HIP1: variants seen among roughly 807,000 people sequenced by gnomAD.
The protein encoded by HIP1 is huntingtin-interacting protein 1.
Under a neutral mutation model 147.6 loss-of-function variants are expected in HIP1, and 65 were observed. The observed-to-expected ratio is 0.44, with a 90% CI of 0.36 to 0.54. The LOEUF (loss-of-function observed/expected upper bound fraction) is 0.54, where lower values mean the gene tolerates loss of function less well. Ranked by LOEUF, HIP1 falls within the 20% of genes least tolerant of loss-of-function variation. The pLI, the probability that HIP1 is intolerant of heterozygous loss-of-function variation, is 0.00. For missense variants in HIP1, 1,061 were observed against 1,299.6 expected (o/e 0.82, Z 2.82); for synonymous variants, 479 against 504.0 (o/e 0.95, Z 0.67).
In HIP1 at chr7:75,682,638, C is replaced by T. The variant is rs76157011; in HGVS notation, c.120+56163G>A. 6.3e-3 allele frequency among the ~76,000 whole-genome samples: 960 copies of T among 151,504 alleles called. 10 individuals carry two copies. Among genetic ancestry groups the T allele is most frequent in the African/African-American group, 0.021 (877 of 40,962 alleles). On this transcript the variant is annotated intron_variant, in intron 1 of 30. Transcript: ENST00000336926. ...CAGCAGCCCAGAGGGAATTAATACTCCCATTTCCCAGGAGACAAGAGTTTT... is the reference window on the plus strand; with the variant it reads ...CAGCAGCCCAGAGGGAATTAATACTTCCATTTCCCAGGAGACAAGAGTTTT...
intron 4 of HIP1, among the ~76,000 whole-genome samples, chr7:75,589,711 A>G (rs1343599759): frequency 2.7e-5 from 3 of 112,728 alleles, no homozygotes; most frequent in African/African-American, 4.3e-5. Flanking sequence ...AAAAAAAAAA[A>G]AAAAGACTTT....
chr7:75,611,962 TGGCCTTGCTTGTGTGGGGAGCTGGGCCTG>T (rs1325582676), intron 1 of HIP1: 3 of 779,050 alleles, frequency 3.9e-6, no homozygotes, highest in Non-Finnish European at 4.7e-6. Context: ...GGAAACCCTC[TGGCCTTGCTTGTGTGGGGAGCTGGGCCTG>T]GGCCTGGCCT....
chr7:75,701,030 C>T (rs968899497), intron 1 of HIP1, among the ~76,000 whole-genome samples: 1 of 152,080 alleles, frequency 6.6e-6, no homozygotes, highest in African/African-American at 2.4e-5. Flanking sequence ...ACTTTTAACC[C>T]CTAAACAAGA....
Position 75,534,159 on chromosome 7 carries a change from G to A in HIP1, c.*4013C>T. 8.7e-6 allele frequency: 2 copies of A among 229,502 alleles called. No individual in the cohort carries two copies. Among genetic ancestry groups the A allele is most frequent in the Non-Finnish European group, 1.7e-5 (2 of 115,718 alleles). 14.2% of individuals were successfully genotyped at this position (229,502 alleles called of 1,614,324 possible). A position where few individuals can be genotyped will look rare whatever the true frequency, so the allele number is the denominator to read the frequency against. On this transcript the variant is annotated 3_prime_UTR_variant, in exon 31 of 31. Transcript: ENST00000336926. ...TCGAGGGGCCAAAGCCAACTAATCT[G>A]ACCGGAGCGACATGTACCTGTGATT...
intron 1 of HIP1, among the ~76,000 whole-genome samples, chr7:75,668,617 C>A (rs10279158): frequency 5.9e-5 from 9 of 151,866 alleles, no homozygotes; most frequent in Admixed American, 1.3e-4. Flanking sequence ...GAGCCACCAC[C>A]CCTGGCCGGG....
intron 1 of HIP1, among the ~76,000 whole-genome samples, chr7:75,629,846 C>T (rs587756532): frequency 1.3e-5 from 2 of 152,222 alleles, no homozygotes; most frequent in South Asian, 4.2e-4. Context: ...CCGGCCTGCT[C>T]CCCTTCTTAA....
At chr7:75,653,854 T>C (rs1799068679) in intron 1 of HIP1, among the ~76,000 whole-genome samples, 2 of 152,152 alleles carry the variant, frequency 1.3e-5, no homozygotes, top group Non-Finnish European at 2.9e-5. Flanking sequence ...GAGCTGTGCC[T>C]GGCATGGAGC....
chr7:75,563,545 T>C (rs993776890), intron 9 of HIP1, among the ~76,000 whole-genome samples: 4 of 152,260 alleles, frequency 2.6e-5, no homozygotes, highest in African/African-American at 9.6e-5. Flanking sequence ...GAACACATGT[T>C]GTTATTTTGC....
intron 1 of HIP1, among the ~76,000 whole-genome samples, chr7:75,689,930 G>T (rs1270715378): frequency 2.0e-5 from 3 of 152,108 alleles, no homozygotes; most frequent in Non-Finnish European, 4.4e-5. Context: ...GGATCTGCGA[G>T]CCCTGGCTCC....
intron 8 of HIP1, among the ~76,000 whole-genome samples, chr7:75,570,414 C>T (rs1305790179): frequency 1.3e-5 from 2 of 151,342 alleles, no homozygotes; most frequent in African/African-American, 4.9e-5. Flanking sequence ...GCCTCAGCCT[C>T]CTGAGCAGCT....
At chr7:75,581,485 G>A (rs782609864) in intron 6 of HIP1, among the ~76,000 whole-genome samples, 187 bp from the exon 7 acceptor site, 6 of 152,314 alleles carry the variant, frequency 3.9e-5, no homozygotes, top group African/African-American at 1.4e-4. Context: ...GAAGTCAACA[G>A]TGACAGCGAC....
Position 75,533,806 on chromosome 7 carries a change from G to A in HIP1, c.*4366C>T, listed in dbSNP as rs890879340. The A allele has an allele frequency of 3.4e-5, 8 of 234,306 alleles. No homozygotes were observed. The highest frequency in any genetic ancestry group is 1.8e-4 in the African/African-American group (8 of 45,348). The allele number at this position is 234,306 out of a possible 1,614,324, so 14.5% of individuals were successfully genotyped here. Reference sequence around the variant, plus strand: ...TTGTATTTGGTCTGGACCTGGGAGAGGAAGGAATTTGGCAGCAAACAGCTG... The same window carrying A: ...TTGTATTTGGTCTGGACCTGGGAGAAGAAGGAATTTGGCAGCAAACAGCTG... On this transcript the variant is annotated 3_prime_UTR_variant, in exon 31 of 31. Coordinates refer to ENST00000336926, the MANE Select transcript of HIP1 (RefSeq NM_005338.7).
At position 75,535,638 on chromosome 7, in the gene HIP1, G is replaced by T. The variant is rs1794054916; in HGVS notation, c.*2534C>A. The T allele has an allele frequency of 5.5e-6, 1 of 183,096 alleles. No homozygotes were observed. The highest frequency in any genetic ancestry group is 1.2e-5 in the Non-Finnish European group (1 of 86,074). 11.3% of individuals were successfully genotyped at this position (183,096 alleles called of 1,614,324 possible). A position where few individuals can be genotyped will look rare whatever the true frequency, so the allele number is the denominator to read the frequency against. On this transcript the variant is annotated 3_prime_UTR_variant, in exon 31 of 31. Transcript: ENST00000336926. ...GCCTCCCAAAGTTCTGGGATTACAG[G>T]CATGCGCCACTGTGCCCGGCTGGGC...
chr7:75,629,581 C>T (rs1394063057), intron 1 of HIP1, among the ~76,000 whole-genome samples: 2 of 150,876 alleles, frequency 1.3e-5, no homozygotes, highest in Admixed American at 6.6e-5. Context: ...CTTGCTCTGT[C>T]GCCCAGGCTG....
intron 1 of HIP1, among the ~76,000 whole-genome samples, chr7:75,623,723 C>T (rs901723548): frequency 6.6e-6 from 1 of 152,202 alleles, no homozygotes; most frequent in Non-Finnish European, 1.5e-5. Flanking sequence ...GAGCCTCTCC[C>T]TTGTCCTCAA....
At chr7:75,657,843 A>G (rs948375664) in intron 1 of HIP1, among the ~76,000 whole-genome samples, 1 of 152,030 alleles carries the variant, frequency 6.6e-6, no homozygotes, top group African/African-American at 2.4e-5. Flanking sequence ...GCATCACACA[A>G]TATATCCATG....
intron 1 of HIP1, among the ~76,000 whole-genome samples, chr7:75,682,036 T>C (rs1800097340): frequency 6.9e-6 from 1 of 144,442 alleles, no homozygotes; most frequent in Admixed American, 6.9e-5. Context: ...TTTTTTTTTT[T>C]TTTTTTTTTT....
chr7:75,735,023 A>C (rs1801973103), intron 1 of HIP1, among the ~76,000 whole-genome samples: 1 of 152,204 alleles, frequency 6.6e-6, no homozygotes, highest in Non-Finnish European at 1.5e-5. Flanking sequence ...TCGTCTCCCC[A>C]GTCAGATTAT....
At chr7:75,578,738 G>A (rs587731960) in intron 7 of HIP1, among the ~76,000 whole-genome samples, 4 of 152,178 alleles carry the variant, frequency 2.6e-5, no homozygotes, top group South Asian at 2.1e-4. Flanking sequence ...ATCCACATAC[G>A]TTGTTCCCAC....
Sources: allele counts gnomAD v4.1 joint callset (sites outside exome capture counted in the v4.1 genomes callset), GRCh38; gene constraint gnomAD v4.1.1; transcripts MANE v1.5; gene names NCBI Gene and HGNC (gene_info 2026-07-23, HGNC 2026-07-21).